The following NELL2 variants were observed in gnomAD, a reference collection of about 807,000 sequenced individuals.
NELL2 encodes the protein protein kinase C-binding protein NELL2.
A neutral mutation model predicts 109.6 loss-of-function variants in NELL2; 41 were observed. The observed-to-expected ratio is 0.37, with a 90% CI of 0.29 to 0.49. NELL2 has a LOEUF of 0.49. Among genes scored for constraint, NELL2 ranks in the 20% least tolerant of loss-of-function variants. The probability of loss-of-function intolerance (pLI) is 0.98; values close to 1 mark genes in which losing one functional copy is unlikely to be tolerated. For synonymous variants in NELL2, 355 were observed against 344.7 expected, an observed-to-expected ratio of 1.03 and a Z score of -0.33; for missense variants, 900 against 1,008.3, an observed-to-expected ratio of 0.89 and a Z score of 1.45.
intron 13 of NELL2, among the ~76,000 whole-genome samples, chr12:44,662,816 A>T (rs1198867041): frequency 6.6e-6 from 1 of 152,134 alleles, no homozygotes. Context: ...TGCTGGGAGT[A>T]TCTGTTGTTC....
Position 44,752,017 on chromosome 12 carries a change from T to C in NELL2, c.994+22730A>G, listed in dbSNP as rs1003500543. 3.7e-4 allele frequency among the ~76,000 whole-genome samples: 57 copies of C among 152,076 alleles called. 1 individual carries two copies. Among genetic ancestry groups the C allele is most frequent in the Admixed American group, 7.2e-4 (11 of 15,284 alleles). On this transcript the variant is annotated intron_variant, in intron 9 of 19. Transcript: ENST00000429094. The stretch of plus-strand genomic sequence containing the variant: ...TTTAACAAAGTTTACAAATTTGTGT[T>C]GGGCTACATTCAAAGCCATCCTGGG...
intron 9 of NELL2, among the ~76,000 whole-genome samples, chr12:44,739,542 A>G (rs543399685): frequency 6.6e-6 from 1 of 152,302 alleles, no homozygotes; most frequent in South Asian, 2.1e-4. Context: ...AATTAAAAGA[A>G]GAGTATTTTA....
At chr12:44,839,014 T>A (rs1489901961) in intron 2 of NELL2, among the ~76,000 whole-genome samples, 1 of 152,190 alleles carries the variant, frequency 6.6e-6, no homozygotes, top group Non-Finnish European at 1.5e-5. Context: ...AAGATGGCAA[T>A]TTACATGGTG....
chr12:44,743,311 T>A (rs1940114388), intron 9 of NELL2, among the ~76,000 whole-genome samples: 3 of 151,906 alleles, frequency 2.0e-5, no homozygotes, highest in Admixed American at 2.0e-4. Flanking sequence ...GCACTAAACA[T>A]GGAAAGGAAC....
In NELL2 at chr12:44,876,270, C is replaced by G. The variant is rs2272518; in HGVS notation, c.-401G>C. 40,160 of 1,155,582 alleles carry G rather than the reference C, an allele frequency of 0.035. 1,454 individuals are homozygous for G. Among genetic ancestry groups the G allele is most frequent in the East Asian group, 0.22 (4,672 of 21,022 alleles). The allele number at this position is 1,155,582 out of a possible 1,614,324, so 71.6% of individuals were successfully genotyped here. On this transcript the variant is annotated 5_prime_UTR_variant, in exon 1 of 20. Coordinates refer to ENST00000429094, the MANE Select transcript of NELL2 (RefSeq NM_001145108.2). Reference sequence around the variant, plus strand: ...CCCGGGCTGGGGCGGCCCCGCACCCCCCCGTCTTCCCCGCCGCCCGAACCT... The same window carrying G: ...CCCGGGCTGGGGCGGCCCCGCACCCGCCCGTCTTCCCCGCCGCCCGAACCT...
intron 3 of NELL2, among the ~76,000 whole-genome samples, chr12:44,804,338 C>T (rs935821219): frequency 2.0e-5 from 3 of 151,816 alleles, no homozygotes; most frequent in Non-Finnish European, 4.4e-5. Flanking sequence ...TGAAACATAT[C>T]AATACATCTT....
At chr12:44,630,845 A>C (rs1946429700) in intron 13 of NELL2, among the ~76,000 whole-genome samples, 1 of 152,176 alleles carries the variant, frequency 6.6e-6, no homozygotes, top group Non-Finnish European at 1.5e-5. Context: ...AATAAAGATT[A>C]GTCTCATTTT....
At chr12:44,654,008 G>A (rs950297405) in intron 13 of NELL2, among the ~76,000 whole-genome samples, 4 of 151,988 alleles carry the variant, frequency 2.6e-5, no homozygotes, top group African/African-American at 4.8e-5. Flanking sequence ...CTCTTGAAAC[G>A]TCTGTTCATC....
intron 12 of NELL2, among the ~76,000 whole-genome samples, chr12:44,679,362 A>G (rs190323004): frequency 6.6e-6 from 1 of 152,288 alleles, no homozygotes; most frequent in Admixed American, 6.5e-5. Flanking sequence ...TACAATCATC[A>G]TTGTAGGAAA....
chr12:44,599,128 T>C (rs1253660130), intron 15 of NELL2, among the ~76,000 whole-genome samples: 1 of 152,134 alleles, frequency 6.6e-6, no homozygotes. Flanking sequence ...AATGTAAATT[T>C]TCCCTGGAGG....
At chr12:44,811,733 A>T (rs1943186317) in intron 3 of NELL2, among the ~76,000 whole-genome samples, 1 of 152,080 alleles carries the variant, frequency 6.6e-6, no homozygotes, top group South Asian at 2.1e-4. Context: ...CCATATGGAG[A>T]TAACACTGGA....
intron 2 of NELL2, among the ~76,000 whole-genome samples, chr12:44,860,666 C>G (rs969731429): frequency 6.6e-6 from 1 of 151,274 alleles, no homozygotes; most frequent in African/African-American, 2.4e-5. Flanking sequence ...TAAAAGGCCC[C>G]TTGTGATTAC....
At chr12:44,871,715 T>G (rs76785545) in intron 2 of NELL2, among the ~76,000 whole-genome samples, 1 of 152,322 alleles carries the variant, frequency 6.6e-6, no homozygotes, top group South Asian at 2.1e-4. Context: ...CTAAAGTCCA[T>G]GGTCTATTAC....
chr12:44,863,520 T>TAAA (rs71093832), intron 2 of NELL2, among the ~76,000 whole-genome samples: 7 of 150,248 alleles, frequency 4.7e-5, no homozygotes, highest in African/African-American at 1.7e-4. Context: ...GTAGAAGTAA[T>TAAA]AAAAAAAAAC....
At chr12:44,905,850 C>G (rs1310055264) in intron 1 of NELL2, among the ~76,000 whole-genome samples, 1 of 151,030 alleles carries the variant, frequency 6.6e-6, no homozygotes, top group East Asian at 1.9e-4. Flanking sequence ...TAATGAAGGC[C>G]TACTATGCAA....
At chr12:44,866,693 T>G (rs1318076410) in intron 2 of NELL2, among the ~76,000 whole-genome samples, 1 of 151,982 alleles carries the variant, frequency 6.6e-6, no homozygotes, top group Non-Finnish European at 1.5e-5. Context: ...AGAGAGTTGT[T>G]TTCTAATGAA....
chr12:44,876,863 G>A, upstream of NELL2: 1 of 1,301,484 alleles, frequency 7.7e-7, no homozygotes, highest in Non-Finnish European at 9.8e-7. Context: ...TGGTGGGGAC[G>A]GATGGCGAGC....
intron 3 of NELL2, among the ~76,000 whole-genome samples, chr12:44,782,354 G>A (rs10880688): frequency 0.24 from 36,129 of 151,426 alleles, 4,586 homozygotes; most frequent in South Asian, 0.3. Flanking sequence ...ATAAAACAGA[G>A]AGAACAAACA....
chr12:44,635,407 T>C (rs147672432), intron 13 of NELL2, among the ~76,000 whole-genome samples: 13,338 of 152,210 alleles, frequency 0.088, 1,899 homozygotes, highest in African/African-American at 0.3. Flanking sequence ...AGGGTTTTTA[T>C]GGCTTTAGGG....
Sources: gnomAD v4.1 joint callset for allele counts (sites outside exome capture counted in the v4.1 genomes callset) on GRCh38, gnomAD v4.1.1 for gene constraint, MANE v1.5 for transcripts, NCBI Gene and HGNC (gene_info 2026-07-23, HGNC 2026-07-21) for gene names.